Variants in FBN1 observed in about 807,000 individuals in gnomAD.
The protein encoded by FBN1 is fibrillin 1.
A neutral mutation model predicts 365.1 loss-of-function variants in FBN1; 29 were observed. The observed-to-expected ratio is 0.08, with a 90% CI of 0.06 to 0.11. The LOEUF is 0.11. Among genes scored for constraint, FBN1 ranks in the 10% least tolerant of loss-of-function variants. FBN1 has a pLI of 1.00. For missense variants in FBN1, 2,476 were observed against 3,703.2 expected, an observed-to-expected ratio of 0.67 and a Z score of 8.60; for synonymous variants, 1,210 against 1,270.5, an observed-to-expected ratio of 0.95 and a Z score of 1.01.
chr15:48,460,059 T>C (rs55770392), intron 43 of FBN1, among the ~76,000 whole-genome samples, 187 bp downstream of exon 43: 3,490 of 152,352 alleles, frequency 0.023, 67 homozygotes, highest in East Asian at 0.084. Flanking sequence ...ACAAATGTTG[T>C]TGCCAATTAG....
At chr15:48,589,127 A>G (rs972749310) in intron 6 of FBN1, among the ~76,000 whole-genome samples, 1 of 152,220 alleles carries the variant, frequency 6.6e-6, no homozygotes, top group African/African-American at 2.4e-5. Flanking sequence ...GGAGCAGCAA[A>G]GAGAACTCAA....
intron 56 of FBN1, among the ~76,000 whole-genome samples, chr15:48,430,406 T>C (rs1277201627): frequency 6.6e-6 from 1 of 152,028 alleles, no homozygotes; most frequent in Non-Finnish European, 1.5e-5. Context: ...AGGAGGAGAA[T>C]AGAGAAAAGG....
intron 15 of FBN1, 140 bp from the exon 16 acceptor site, chr15:48,505,287 A>C (rs2043699234): frequency 2.1e-6 from 2 of 975,254 alleles, no homozygotes; most frequent in Non-Finnish European, 3.2e-6. Context: ...CTCAAATGGC[A>C]TTCTCATTTT....
intron 6 of FBN1, among the ~76,000 whole-genome samples, chr15:48,569,367 A>C (rs776504207): frequency 9.9e-5 from 15 of 152,170 alleles, no homozygotes; most frequent in South Asian, 2.1e-4. Flanking sequence ...TCATTGTTTA[A>C]TGGGAATGTA....
chr15:48,523,180 A>G (rs1051988711), intron 9 of FBN1, among the ~76,000 whole-genome samples: 2 of 152,280 alleles, frequency 1.3e-5, no homozygotes, highest in African/African-American at 4.8e-5. Flanking sequence ...CCCAGCTTCA[A>G]ATGAATTCGG....
chr15:48,460,304 T>C lies in FBN1; in HGVS notation c.5238A>G (p.Thr1746=), dbSNP rs754417348. 1.2e-6 allele frequency: 2 copies of C among 1,612,362 alleles called. No homozygotes were observed. The highest frequency in any genetic ancestry group is 3.3e-5 in the Admixed American group (2 of 59,998). The change falls in exon 43 of 66, where the codon ACA becomes ACG. Residue 1746 remains threonine (T), a synonymous_variant. Transcript: ENST00000316623. ...AGCCTGGCCTTTGACTTCCACAGAG[T>C]GTAGCAAACTCATCTGCAATGATTA... ...CPIPSTDEFA[T]LCGSQRPGFV...
In FBN1 at chr15:48,484,164, C is replaced by T. The variant is rs540281938; in HGVS notation, c.3713-221G>A. Reference sequence around the variant, plus strand: ...TTTATAATATACTGCTCAAGGGCAACGTCCACACCTGCTTAAAAGTCTATT... The same window carrying T: ...TTTATAATATACTGCTCAAGGGCAATGTCCACACCTGCTTAAAAGTCTATT... On this transcript the variant is annotated intron_variant, in intron 30 of 65. Coordinates refer to ENST00000316623, the MANE Select transcript of FBN1 (RefSeq NM_000138.5). Among the ~76,000 whole-genome samples, 83 of 152,182 alleles carry T rather than the reference C, an allele frequency of 5.5e-4. 1 individual carries two copies. Among genetic ancestry groups the T allele is most frequent in the African/African-American group, 1.6e-3 (67 of 41,536 alleles).
At chr15:48,476,229 G>A (rs1473813194) in intron 32 of FBN1, among the ~76,000 whole-genome samples, 2 of 152,304 alleles carry the variant, frequency 1.3e-5, no homozygotes, top group South Asian at 4.1e-4. Flanking sequence ...CAGGGCTGTC[G>A]AAACTTCTTT....
chr15:48,434,783 T>C, intron 53 of FBN1, 70 bp from the exon 54 acceptor site: 1 of 1,574,328 alleles, frequency 6.4e-7, no homozygotes, highest in South Asian at 1.1e-5. Context: ...ATCAGAGGAT[T>C]TTAAACTGTA....
chr15:48,550,994 G>GAATGAATGAATGA (rs35621040), intron 6 of FBN1, among the ~76,000 whole-genome samples: 54 of 150,936 alleles, frequency 3.6e-4, no homozygotes, highest in South Asian at 1.5e-3. Context: ...TGAATGAATG[G>GAATGAATGAATGA]AGGATGCAAA....
chr15:48,467,809 T>TC (rs1241747666), intron 38 of FBN1, 129 bp downstream of exon 38: 1 of 855,202 alleles, frequency 1.2e-6, no homozygotes, highest in African/African-American at 1.7e-5. Context: ...GGGAATAAGG[T>TC]CCCCTCTACA....
chr15:48,589,084 A>G (rs1234128070), intron 6 of FBN1, among the ~76,000 whole-genome samples: 1 of 152,214 alleles, frequency 6.6e-6, no homozygotes, highest in African/African-American at 2.4e-5. Context: ...GCTGATGTGG[A>G]CTGAGCCTAG....
chr15:48,538,793 A>G (rs1410454964), intron 6 of FBN1, among the ~76,000 whole-genome samples: 1 of 152,112 alleles, frequency 6.6e-6, no homozygotes, highest in Admixed American at 6.5e-5. Context: ...CAACATTTGC[A>G]TGCTTCCAGG....
At chr15:48,503,571 T>C (rs2043681113) in intron 17 of FBN1, among the ~76,000 whole-genome samples, 1 of 152,220 alleles carries the variant, frequency 6.6e-6, no homozygotes, top group African/African-American at 2.4e-5. Context: ...GGAGAGTTTA[T>C]ACGAGAGGCA....
At position 48,510,138 on chromosome 15, in the gene FBN1, G is replaced by T. The variant is rs2043746668; in HGVS notation, c.1620C>A (p.Ile540=). The change falls in exon 14 of 66, where the codon ATC becomes ATA. Residue 540 remains isoleucine (I), a synonymous_variant. Transcript: ENST00000316623. ...DIDECLQNGR[I]CNNGRCINTD... ...TGTTGATGCAGCGTCCATTATTGCA[G>T]ATCCGGCCATTCTGTAAACACTCAT... The T allele has an allele frequency of 6.2e-7, 1 of 1,613,426 alleles. No homozygotes were observed. The highest frequency in any genetic ancestry group is 8.5e-7 in the Non-Finnish European group (1 of 1,179,526).
intron 9 of FBN1, 51 bp from the exon 10 acceptor site, chr15:48,520,868 G>A: frequency 6.2e-7 from 1 of 1,611,420 alleles, no homozygotes; most frequent in Non-Finnish European, 8.5e-7. Flanking sequence ...GATAATACTT[G>A]TAACAACACT....
intron 56 of FBN1, among the ~76,000 whole-genome samples, chr15:48,429,260 T>C (rs2043007349): frequency 6.6e-6 from 1 of 152,354 alleles, no homozygotes; most frequent in East Asian, 1.9e-4. Flanking sequence ...TAATGGTCAA[T>C]ATTGATCTGG....
intron 54 of FBN1, among the ~76,000 whole-genome samples, chr15:48,433,802 GATCAT>G (rs1486873719): frequency 6.6e-6 from 1 of 152,302 alleles, no homozygotes; most frequent in African/African-American, 2.4e-5. Context: ...GCATTTGATA[GATCAT>G]ATCTGATGAA....
Position 48,465,541 on chromosome 15 carries a change from C to T in FBN1, c.4942+27G>A. The T allele has an allele frequency of 2.5e-6, 4 of 1,613,598 alleles. No individual in the cohort carries two copies. The East Asian group carries it at 8.9e-5, about 36-fold the overall frequency. On this transcript the variant is annotated intron_variant, in intron 40 of 65. Transcript: ENST00000316623. ...AGGTCAGTTCTTGATATCTGCAAGA[C>T]CTTATCATCCTACCAGGACCATTTA...
Sources: allele counts gnomAD v4.1 joint callset (sites outside exome capture counted in the v4.1 genomes callset), GRCh38; gene constraint gnomAD v4.1.1; transcripts MANE v1.5; gene names NCBI Gene and HGNC (gene_info 2026-07-23, HGNC 2026-07-21).